The following FREM2 variants were observed in gnomAD, a reference collection of about 807,000 sequenced individuals.
FREM2 encodes the protein FRAS1 related extracellular matrix 2.
In FREM2, 119 loss-of-function variants were observed where a neutral mutation model predicts 219.9. The observed-to-expected ratio is 0.54, with a 90% CI of 0.47 to 0.63. The LOEUF (loss-of-function observed/expected upper bound fraction) is 0.63. FREM2 is among the 30% of genes least tolerant of loss of function. FREM2 has a pLI of 0.00. For missense variants in FREM2, 4,030 were observed against 3,993.6 expected (o/e 1.01, Z -0.25); for synonymous variants, 1,562 against 1,522.8 (o/e 1.03, Z -0.60).
chr13:38,881,217 A>G lies in FREM2; in HGVS notation c.*430A>G, dbSNP rs187825361. 6.5e-4 allele frequency: 154 copies of G among 235,722 alleles called. No homozygotes were observed. The highest frequency in any genetic ancestry group is 3.1e-3 in the African/African-American group (136 of 43,692). The allele number at this position is 235,722 out of a possible 1,614,324, so 14.6% of individuals were successfully genotyped here. A position where few individuals can be genotyped will look rare whatever the true frequency, so the allele number is the denominator to read the frequency against. ...ATTGTATAACAGATTATTACTAGAA[A>G]GGTTTTTGTTGCTAGTCTGGAAAAC... On this transcript the variant is annotated 3_prime_UTR_variant, in exon 24 of 24. Transcript: ENST00000280481.
chr13:38,717,359 G>T (rs1452120149), intron 2 of FREM2, among the ~76,000 whole-genome samples: 1 of 147,912 alleles, frequency 6.8e-6, no homozygotes, highest in African/African-American at 2.5e-5. Flanking sequence ...TGCAGTAAAG[G>T]TTTTGACGTG....
chr13:38,839,059 A>T (rs1480394756), intron 6 of FREM2, among the ~76,000 whole-genome samples: 1 of 152,086 alleles, frequency 6.6e-6, no homozygotes, highest in Non-Finnish European at 1.5e-5. Flanking sequence ...TGGAATTTTC[A>T]GCCTCTTTGT....
Position 38,784,569 on chromosome 13 carries a change from G to C in FREM2, c.5780G>C (p.Gly1927Ala). The C allele has an allele frequency of 6.2e-7, 1 of 1,614,152 alleles. No individual in the cohort carries two copies. The highest frequency in any genetic ancestry group is 8.5e-7 in the Non-Finnish European group (1 of 1,180,000). Residue 1927 changes from glycine to alanine, a missense_variant, in exon 6 of 24, where the codon GGA becomes GCA. Gly to Ala is a moderately conservative substitution (Grantham distance 60). This residue lies in a region of FREM2 where 3,102 missense variants were observed against 2,950.7 expected (regional missense o/e 1.05). Coordinates refer to ENST00000280481, the MANE Select transcript of FREM2 (RefSeq NM_207361.6). ...VCYTQQGTATGTVPTSVLSYS... is the reference protein window; with the variant it reads ...VCYTQQGTATATVPTSVLSYS... ...TCTCTGCTTCCAGGAACAGCAACTG[G>C]AACTGTGCCGACTTCCGTGTTGTCT... is the stretch of plus-strand genomic sequence containing the variant.
At chr13:38,716,586 C>T (rs543871290) in intron 2 of FREM2, among the ~76,000 whole-genome samples, 3 of 152,132 alleles carry the variant, frequency 2.0e-5, no homozygotes, top group Admixed American at 6.5e-5. Flanking sequence ...GATCTCAGCT[C>T]ACTGAGATCA....
intron 2 of FREM2, among the ~76,000 whole-genome samples, chr13:38,711,785 G>A (rs1419421990): frequency 6.6e-6 from 1 of 151,990 alleles, no homozygotes; most frequent in African/African-American, 2.4e-5. Flanking sequence ...TCGAGTTTAT[G>A]TAAATTTAAA....
chr13:38,869,720 C>T (rs1423537524), intron 16 of FREM2, among the ~76,000 whole-genome samples: 2 of 152,090 alleles, frequency 1.3e-5, no homozygotes, highest in Non-Finnish European at 2.9e-5. Context: ...GTGTGTGACA[C>T]CTATTTTGTA....
At position 38,785,111 on chromosome 13, in the gene FREM2, C is replaced by G. The variant is rs540269850; in HGVS notation, c.6019+303C>G. Among the ~76,000 whole-genome samples, 85 of 152,282 alleles carry G rather than the reference C, an allele frequency of 5.6e-4. 1 individual carries two copies. The South Asian group carries it at 0.018, about 32-fold the overall frequency. On this transcript the variant is annotated intron_variant, in intron 6 of 23. Transcript: ENST00000280481. The stretch of plus-strand genomic sequence containing the variant: ...ACATTTCATGGTGAAGAATTGAAAT[C>G]TAATTTATTTCCTTCTTGGTTTTTT...
At chr13:38,812,795 A>T (rs1331291597) in intron 6 of FREM2, among the ~76,000 whole-genome samples, 1 of 151,738 alleles carries the variant, frequency 6.6e-6, no homozygotes. Context: ...AGATGGGAGG[A>T]TCGCTTGAGC....
At chr13:38,754,183 G>T (rs969191125) in intron 2 of FREM2, among the ~76,000 whole-genome samples, 2 of 152,028 alleles carry the variant, frequency 1.3e-5, no homozygotes, top group African/African-American at 4.8e-5. Flanking sequence ...CATCAAACCA[G>T]AGGGTCTTAA....
chr13:38,761,359 G>A (rs1873217302), intron 2 of FREM2, among the ~76,000 whole-genome samples: 1 of 152,140 alleles, frequency 6.6e-6, no homozygotes, highest in Non-Finnish European at 1.5e-5. Context: ...TGGCATAAAG[G>A]TGTTTTCATC....
chr13:38,872,844 T>C lies in FREM2; in HGVS notation c.8086T>C (p.Leu2696=). The C allele has an allele frequency of 6.2e-7, 1 of 1,614,104 alleles. No homozygotes were observed. The highest frequency in any genetic ancestry group is 8.5e-7 in the Non-Finnish European group (1 of 1,179,946). Residue 2696 remains leucine (L), a synonymous_variant, in exon 17 of 24, where the codon TTG becomes CTG. Transcript: ENST00000280481. ...GGTAGGAGGCTGGCAGCATTTTGAC[T>C]TGAAGTCAGAGCTTCGTCTAACTTT... The part of the protein sequence containing the change: ...VGVGGWQHFD[L]KSELRLTFVY...
chr13:38,770,880 G>GA (rs1350869571), intron 4 of FREM2, among the ~76,000 whole-genome samples: 2 of 152,016 alleles, frequency 1.3e-5, no homozygotes, highest in East Asian at 3.9e-4. Flanking sequence ...AAAAGAAAAA[G>GA]AAAAAAGATT....
At chr13:38,700,132 A>G (rs376464647) in intron 2 of FREM2, among the ~76,000 whole-genome samples, 1 of 152,106 alleles carries the variant, frequency 6.6e-6, no homozygotes, top group Middle Eastern at 3.2e-3. Flanking sequence ...TCCATGAATA[A>G]CCTTAAAAAT....
chr13:38,870,393 C>G (rs866956978), intron 16 of FREM2, among the ~76,000 whole-genome samples: 1 of 152,246 alleles, frequency 6.6e-6, no homozygotes, highest in South Asian at 2.1e-4. Flanking sequence ...GAAGAAACTT[C>G]AAACAGCAAT....
In FREM2 at chr13:38,786,405, A is replaced by G. The variant is rs181296469; in HGVS notation, c.6019+1597A>G. 2.3e-4 allele frequency among the ~76,000 whole-genome samples: 35 copies of G among 152,344 alleles called. 1 individual carries two copies. In the East Asian group the frequency reaches 4.2e-3, roughly 18 times the overall value. The stretch of plus-strand genomic sequence containing the variant: ...TAAATTTATATAATACCCTATAAGT[A>G]TAAGCTGCTCTAATATTTTTAACTG... On this transcript the variant is annotated intron_variant, in intron 6 of 23. Coordinates refer to ENST00000280481, the MANE Select transcript of FREM2 (RefSeq NM_207361.6).
chr13:38,704,678 G>C (rs926982193), intron 2 of FREM2, among the ~76,000 whole-genome samples: 1 of 152,186 alleles, frequency 6.6e-6, no homozygotes, highest in African/African-American at 2.4e-5. Context: ...CTAAAGAAAA[G>C]AGTATCCACC....
intron 17 of FREM2, among the ~76,000 whole-genome samples, 191 bp downstream of exon 17, chr13:38,873,125 T>C (rs930938108): frequency 1.3e-4 from 20 of 152,214 alleles, no homozygotes; most frequent in Admixed American, 1.3e-3. Flanking sequence ...TTAAATTTTG[T>C]GCAATATGTG....
At chr13:38,849,643 CCA>C (rs1204510578) in intron 8 of FREM2, among the ~76,000 whole-genome samples, 2 of 152,088 alleles carry the variant, frequency 1.3e-5, no homozygotes, top group African/African-American at 4.8e-5. Context: ...ATCACACACA[CCA>C]CACACACAGT....
chr13:38,766,437 A>G (rs1873438917), intron 3 of FREM2, among the ~76,000 whole-genome samples: 2 of 152,232 alleles, frequency 1.3e-5, no homozygotes, highest in South Asian at 4.1e-4. Context: ...TCCTTCAGTC[A>G]TTGAAGATGG....
Sources: gnomAD v4.1 joint callset for allele counts (sites outside exome capture counted in the v4.1 genomes callset) on GRCh38, gnomAD v4.1.1 for gene constraint, gnomAD v4.1.1 regional missense constraint, MANE v1.5 for transcripts, NCBI Gene and HGNC (gene_info 2026-07-23, HGNC 2026-07-21) for gene names.